Variants in SIPA1L1 observed in about 807,000 individuals in gnomAD.
SIPA1L1 encodes the protein signal induced proliferation associated 1 like 1.
Under a neutral mutation model 162.7 loss-of-function variants are expected in SIPA1L1, and 26 were observed. That is an observed-to-expected ratio of 0.16 (90% CI 0.12 to 0.22). The LOEUF is 0.22. SIPA1L1 is among the 10% of genes least tolerant of loss of function. The pLI, the probability that SIPA1L1 is intolerant of heterozygous loss-of-function variation, is 1.00. For missense variants in SIPA1L1, 1,874 were observed against 2,241.0 expected, an observed-to-expected ratio of 0.84 and a Z score of 3.31; for synonymous variants, 829 against 837.4, an observed-to-expected ratio of 0.99 and a Z score of 0.17.
At chr14:71,596,048 C>G (rs1345330576) in intron 5 of SIPA1L1, among the ~76,000 whole-genome samples, 2 of 152,080 alleles carry the variant, frequency 1.3e-5, no homozygotes, top group African/African-American at 4.8e-5. Context: ...GAGGCAGATG[C>G]TGAGACTATA....
intron 10 of SIPA1L1, among the ~76,000 whole-genome samples, chr14:71,667,615 A>G (rs537911404): frequency 5.4e-4 from 82 of 152,330 alleles, no homozygotes; most frequent in African/African-American, 1.2e-3. Context: ...TTCAGGCTCC[A>G]AGAAGAGGAA....
At chr14:71,549,407 G>A (rs1322071163) in intron 4 of SIPA1L1, among the ~76,000 whole-genome samples, 1 of 151,838 alleles carries the variant, frequency 6.6e-6, no homozygotes, top group African/African-American at 2.4e-5. Flanking sequence ...TGTGAACCAA[G>A]TAATTCTGCT....
intron 5 of SIPA1L1, among the ~76,000 whole-genome samples, chr14:71,618,123 C>G (rs1035284238): frequency 2.6e-5 from 4 of 152,224 alleles, no homozygotes; most frequent in Non-Finnish European, 4.4e-5. Flanking sequence ...CTAGGCTCAT[C>G]GGTCACCTGG....
chr14:71,507,390 A>G (rs550591237), intron 2 of SIPA1L1, among the ~76,000 whole-genome samples: 1 of 152,310 alleles, frequency 6.6e-6, no homozygotes, highest in East Asian at 1.9e-4. Flanking sequence ...CAAGACCTTG[A>G]TACAGCATTT....
intron 12 of SIPA1L1, 29 bp downstream of exon 12, chr14:71,672,651 G>A (rs2044649181): frequency 2.5e-6 from 4 of 1,605,216 alleles, no homozygotes; most frequent in Middle Eastern, 1.7e-4. Context: ...CTGTGGGCCT[G>A]AGACTCGAGT....
At chr14:71,367,380 C>T (rs1400486588) in intron 2 of SIPA1L1, among the ~76,000 whole-genome samples, 1 of 150,126 alleles carries the variant, frequency 6.7e-6, no homozygotes, top group Non-Finnish European at 1.5e-5. Context: ...GATCTCTGCT[C>T]ACTGTAAACT....
chr14:71,680,855 TG>T (rs974168033), intron 12 of SIPA1L1, among the ~76,000 whole-genome samples: 36 of 152,198 alleles, frequency 2.4e-4, no homozygotes, highest in African/African-American at 8.4e-4. Context: ...AGCCACAGGA[TG>T]GGGGCGTCAT....
At chr14:71,474,851 G>A (rs185603093) in intron 2 of SIPA1L1, among the ~76,000 whole-genome samples, 198 of 152,078 alleles carry the variant, frequency 1.3e-3, no homozygotes, top group African/African-American at 4.6e-3. Context: ...ATATATTCCA[G>A]CCTGAAAAAA....
intron 2 of SIPA1L1, among the ~76,000 whole-genome samples, chr14:71,456,394 C>G (rs984851459): frequency 6.6e-6 from 1 of 152,070 alleles, no homozygotes; most frequent in Non-Finnish European, 1.5e-5. Flanking sequence ...AAAATACAAC[C>G]CTATCAATTT....
intron 1 of SIPA1L1, among the ~76,000 whole-genome samples, 200 bp downstream of exon 1, chr14:71,320,703 T>TCCCC (rs140256891): frequency 2.2e-5 from 2 of 91,210 alleles, no homozygotes; most frequent in African/African-American, 8.2e-5. Context: ...CACCTCCTCA[T>TCCCC]CCCCCCCCCG....
At chr14:71,669,312 C>T (rs1333666744) in intron 10 of SIPA1L1, among the ~76,000 whole-genome samples, 1 of 152,132 alleles carries the variant, frequency 6.6e-6, no homozygotes, top group Non-Finnish European at 1.5e-5. Flanking sequence ...AATGGATCTG[C>T]AGAAAGCCAG....
intron 7 of SIPA1L1, among the ~76,000 whole-genome samples, chr14:71,641,459 A>G (rs946947031): frequency 6.6e-6 from 1 of 152,230 alleles, no homozygotes; most frequent in Non-Finnish European, 1.5e-5. Flanking sequence ...GTGGTGGCTC[A>G]TGCCTGTAAT....
intron 2 of SIPA1L1, among the ~76,000 whole-genome samples, chr14:71,395,914 C>T (rs1344019157): frequency 3.3e-5 from 5 of 152,154 alleles, no homozygotes; most frequent in Non-Finnish European, 7.3e-5. Flanking sequence ...TTTCAGCCAC[C>T]GAGTAGTAAC....
intron 2 of SIPA1L1, among the ~76,000 whole-genome samples, chr14:71,356,567 CAAAAAAA>C (rs71105772): frequency 5.1e-5 from 2 of 39,162 alleles, no homozygotes; most frequent in Middle Eastern, 0.036. Flanking sequence ...CTTGTCTCTA[CAAAAAAA>C]AAAAAAAAAA....
chr14:71,570,386 C>T (rs148955089), intron 4 of SIPA1L1, among the ~76,000 whole-genome samples: 8 of 152,200 alleles, frequency 5.3e-5, no homozygotes, highest in South Asian at 4.1e-4. Flanking sequence ...AGTCCTCACA[C>T]CTCAGCCTCT....
intron 17 of SIPA1L1, among the ~76,000 whole-genome samples, chr14:71,712,978 A>G (rs1025804794): frequency 1.3e-5 from 2 of 152,176 alleles, no homozygotes; most frequent in Middle Eastern, 6.3e-3. Context: ...TTTTTCACCC[A>G]ATATGTTCAT....
At chr14:71,468,005 GGTGTGTGTGTGTGTGTGTGTGT>G (rs56265408) in intron 2 of SIPA1L1, among the ~76,000 whole-genome samples, 2 of 141,606 alleles carry the variant, frequency 1.4e-5, no homozygotes, top group Admixed American at 1.4e-4. Flanking sequence ...CAGTTAGAGG[GGTGTGTGTGTGTGTGTGTGTGT>G]GTGTGTGTGT....
In SIPA1L1 at chr14:71,330,270, GC is replaced by G. The variant is rs878870223; in HGVS notation, c.-465+9090del. On this transcript the variant is annotated intron_variant, in intron 2 of 23. Transcript: ENST00000381232. Reference sequence around the variant, plus strand: ...CAGGGAGGGGCTGAAAGTAGAAGTGGCTCCCCTGAAGTCTAGTTAGCATGTT... The same window carrying G: ...CAGGGAGGGGCTGAAAGTAGAAGTGGTCCCCTGAAGTCTAGTTAGCATGTT... The G allele has an allele frequency of 1.1e-5, 8 of 700,622 alleles. No individual in the cohort carries two copies. In the South Asian group the frequency reaches 1.2e-4, roughly 11 times the overall value. 43.4% of individuals were successfully genotyped at this position (700,622 alleles called of 1,614,324 possible).
chr14:71,628,188 CT>C (rs772699956), intron 7 of SIPA1L1, among the ~76,000 whole-genome samples: 5 of 152,276 alleles, frequency 3.3e-5, no homozygotes, highest in Non-Finnish European at 5.9e-5. Flanking sequence ...ATCAAGTCAG[CT>C]TTTAAATAAT....
Sources: allele counts gnomAD v4.1 joint callset (sites outside exome capture counted in the v4.1 genomes callset), GRCh38; gene constraint gnomAD v4.1.1; transcripts MANE v1.5; gene names NCBI Gene and HGNC (gene_info 2026-07-23, HGNC 2026-07-21).